Variants in CUBN observed in about 807,000 individuals in gnomAD.
CUBN encodes 460 kDa receptor.
A neutral mutation model predicts 405.3 loss-of-function variants in CUBN; 282 were observed. The ratio of observed to expected loss-of-function variants is 0.70; its 90% CI spans 0.63 to 0.77. CUBN has a LOEUF of 0.77. Ranked by LOEUF, CUBN falls within the 30% of genes least tolerant of loss-of-function variation. CUBN has a pLI of 0.00. For missense variants in CUBN, 4,514 were observed against 4,475.2 expected (o/e 1.01, Z -0.25); for synonymous variants, 1,684 against 1,617.0 (o/e 1.04, Z -0.99).
chr10:17,040,960 A>T, intron 27 of CUBN, 73 bp downstream of exon 27: 1 of 1,426,922 alleles, frequency 7.0e-7, no homozygotes, highest in Non-Finnish European at 9.9e-7. Flanking sequence ...TCTAAAAAGC[A>T]TGATGGATTC....
At chr10:16,871,456 C>G (rs1372845571) in intron 58 of CUBN, among the ~76,000 whole-genome samples, 5 of 150,414 alleles carry the variant, frequency 3.3e-5, no homozygotes, top group Admixed American at 3.3e-4. Flanking sequence ...TAAATGCTTC[C>G]TTTCAACAGC....
At chr10:16,884,026 C>G (rs925733180) in intron 56 of CUBN, among the ~76,000 whole-genome samples, 1 of 152,160 alleles carries the variant, frequency 6.6e-6, no homozygotes, top group African/African-American at 2.4e-5. Context: ...GTTGTCCAGG[C>G]TGGAGGGCAG....
intron 10 of CUBN, among the ~76,000 whole-genome samples, 155 bp from the exon 11 acceptor site, chr10:17,105,730 T>A (rs892679295): frequency 1.3e-5 from 2 of 152,302 alleles, no homozygotes; most frequent in South Asian, 4.1e-4. Context: ...GGAGAAAATA[T>A]TAGAATCTTT....
At chr10:17,128,072 C>T (rs1046073896) in intron 2 of CUBN, 148 bp from the exon 3 acceptor site, 14 of 587,410 alleles carry the variant, frequency 2.4e-5, no homozygotes, top group East Asian at 1.2e-4. Flanking sequence ...CAACACCATG[C>T]GTAATAAACA....
intron 31 of CUBN, among the ~76,000 whole-genome samples, chr10:16,957,839 T>C (rs1843110526): frequency 6.6e-6 from 1 of 152,008 alleles, no homozygotes; most frequent in East Asian, 1.9e-4. Context: ...GTGTCTAGCA[T>C]TTCTTAATTT....
intron 55 of CUBN, among the ~76,000 whole-genome samples, chr10:16,889,880 T>A (rs1014022087): frequency 7.9e-5 from 11 of 138,548 alleles, no homozygotes; most frequent in Non-Finnish European, 1.1e-4. Flanking sequence ...GAGGGTGCAG[T>A]GAGCCGAGAT....
intron 22 of CUBN, among the ~76,000 whole-genome samples, chr10:17,050,603 G>A (rs750940574): frequency 2.6e-5 from 4 of 152,202 alleles, no homozygotes; most frequent in Non-Finnish European, 5.9e-5. Context: ...TGTCAGACAG[G>A]AGCTGCTACT....
intron 34 of CUBN, among the ~76,000 whole-genome samples, chr10:16,948,877 C>T (rs1390293474): frequency 6.6e-6 from 1 of 152,112 alleles, no homozygotes; most frequent in Admixed American, 6.5e-5. Flanking sequence ...CCAAGGGACA[C>T]ATGTACCTAA....
At chr10:17,035,095 A>G (rs919153690) in intron 27 of CUBN, among the ~76,000 whole-genome samples, 8 of 151,746 alleles carry the variant, frequency 5.3e-5, no homozygotes, top group African/African-American at 1.9e-4. Flanking sequence ...AAAAAAATAA[A>G]CAAATGAAAA....
intron 31 of CUBN, among the ~76,000 whole-genome samples, chr10:16,960,482 A>T (rs1843185630): frequency 6.6e-6 from 1 of 152,036 alleles, no homozygotes. Flanking sequence ...ACAGAATAAG[A>T]CTCCATCTCA....
intron 59 of CUBN, among the ~76,000 whole-genome samples, chr10:16,855,403 C>G (rs115635555): frequency 6.6e-6 from 1 of 152,056 alleles, no homozygotes; most frequent in Non-Finnish European, 1.5e-5. Flanking sequence ...AACGTGCTTA[C>G]GTTTTGTTCT....
At chr10:17,018,294 AC>A (rs1834394429) in intron 28 of CUBN, among the ~76,000 whole-genome samples, 1 of 152,172 alleles carries the variant, frequency 6.6e-6, no homozygotes, top group Non-Finnish European at 1.5e-5. Context: ...CATCTGGGTC[AC>A]CAAAATGTGT....
intron 56 of CUBN, among the ~76,000 whole-genome samples, chr10:16,879,949 A>G (rs1283748701): frequency 6.6e-6 from 1 of 152,216 alleles, no homozygotes; most frequent in Non-Finnish European, 1.5e-5. Flanking sequence ...GGTGAGGAGT[A>G]CCCACTGTGA....
chr10:17,110,955 T>TATTC lies in CUBN; in HGVS notation c.975_978dup (p.Thr327GlufsTer18). 1 of 1,614,192 alleles carries TATTC rather than the reference T, an allele frequency of 6.2e-7. No homozygotes were observed. Among genetic ancestry groups the TATTC allele is most frequent in the Non-Finnish European group, 8.5e-7 (1 of 1,180,032 alleles). ...GCCTGGCAGTGGGAAGACCCAGGTG[T>TATTC]ATTCACACACTCAACGGGTGGAGCC... On this transcript the variant is annotated frameshift_variant, in exon 9 of 67. Coordinates refer to ENST00000377833, the MANE Select transcript of CUBN (RefSeq NM_001081.4). LOFTEE classifies it high-confidence loss of function.
At position 16,846,071 on chromosome 10, in the gene CUBN, A is replaced by G. The variant is rs148560757; in HGVS notation, c.9664-5024T>C. Among the ~76,000 whole-genome samples, 725 of 152,340 alleles carry G rather than the reference A, an allele frequency of 4.8e-3. 9 individuals are homozygous for G. The highest frequency in any genetic ancestry group is 0.016 in the African/African-American group (667 of 41,580). ...TTATTTGATCCCAGAACCTAAGTCC[A>G]TTTTATATATAAACACAAAAATATT... is the stretch of plus-strand genomic sequence containing the variant. On this transcript the variant is annotated intron_variant, in intron 60 of 66. Coordinates refer to ENST00000377833, the MANE Select transcript of CUBN (RefSeq NM_001081.4).
intron 59 of CUBN, among the ~76,000 whole-genome samples, chr10:16,859,962 A>G (rs1839968707): frequency 6.6e-6 from 1 of 152,172 alleles, no homozygotes; most frequent in South Asian, 2.1e-4. Context: ...ATTGATTATA[A>G]CATGATAAAA....
At position 16,869,824 on chromosome 10, in the gene CUBN, G is replaced by A; in HGVS notation, c.9266C>T (p.Thr3089Ile). 3 of 1,613,818 alleles carry A rather than the reference G, an allele frequency of 1.9e-6. No individual in the cohort carries two copies. Among genetic ancestry groups the A allele is most frequent in the Non-Finnish European group, 2.5e-6 (3 of 1,179,738 alleles). ...KFSDFDVVPS[T>I]SCSHDYLAIY... ...TGCCAGGTAGTCATGGGAGCAGGAG[G>A]TGGAGGGAACCACATCAAAATCACT... The change falls in exon 59 of 67, where the codon ACC (threonine) becomes ATC (isoleucine). Residue 3089 changes from threonine (T) to isoleucine (I), a missense_variant. By Grantham distance (89) the Thr-to-Ile change is moderately conservative (BLOSUM62 -1). Transcript: ENST00000377833.
intron 58 of CUBN, among the ~76,000 whole-genome samples, chr10:16,870,709 C>A (rs1343725146): frequency 6.6e-6 from 1 of 152,210 alleles, no homozygotes; most frequent in East Asian, 1.9e-4. Context: ...AGCTTCCATG[C>A]CAGGCCACAC....
chr10:16,981,154 G>A (rs1044550681), intron 31 of CUBN, among the ~76,000 whole-genome samples: 11 of 108,252 alleles, frequency 1.0e-4, no homozygotes, highest in Admixed American at 7.5e-4. Flanking sequence ...GTGCCCATAA[G>A]AACTCCAAGC....
Sources: allele counts gnomAD v4.1 joint callset (sites outside exome capture counted in the v4.1 genomes callset), GRCh38; gene constraint gnomAD v4.1.1; transcripts MANE v1.5; gene names NCBI Gene and HGNC (gene_info 2026-07-23, HGNC 2026-07-21).